FPGT: variants seen among roughly 807,000 people sequenced by gnomAD.
FPGT encodes the protein GDP-L-fucose diphosphorylase.
Under a neutral mutation model 45.8 loss-of-function variants are expected in FPGT, and 41 were observed. The ratio of observed to expected loss-of-function variants is 0.90; its 90% CI spans 0.70 to 1.16. FPGT has a LOEUF of 1.16. Ranked by LOEUF, FPGT falls within the 50% of genes most tolerant of loss-of-function variation. The pLI, the probability that FPGT is intolerant of heterozygous loss-of-function variation, is 0.00. For synonymous variants in FPGT, 292 were observed against 247.2 expected (o/e 1.18, Z -1.70); for missense variants, 755 against 689.1 (o/e 1.10, Z -1.07).
rs1651612068 is a variant in FPGT, at chr1:74,199,822, G to T, written c.241G>T (p.Ala81Ser). The T allele has an allele frequency of 6.2e-7, 1 of 1,613,304 alleles. No individual in the cohort carries two copies. Among genetic ancestry groups the T allele is most frequent in the Non-Finnish European group, 8.5e-7 (1 of 1,179,858 alleles). Reference sequence around the variant, plus strand: ...TCACGTTTTTGTGGATCCTGCTGGAGCCAAAATTGGTACGCGCTTTATGGT... The same window carrying T: ...TCACGTTTTTGTGGATCCTGCTGGATCCAAAATTGGTACGCGCTTTATGGT... ...QYHVFVDPAG[A>S]KIGNGGSTLC... The change falls in exon 2 of 4, where the codon GCC (alanine) becomes TCC (serine). Residue 81 changes from alanine to serine, a missense_variant. By Grantham distance (99) the Ala-to-Ser change is moderately conservative. Coordinates refer to ENST00000370898, the MANE Select transcript of FPGT (RefSeq NM_003838.5).
In FPGT at chr1:74,205,959, T is replaced by A; in HGVS notation, c.*127T>A. On this transcript the variant is annotated 3_prime_UTR_variant, in exon 4 of 4. Coordinates refer to ENST00000370898, the MANE Select transcript of FPGT (RefSeq NM_003838.5). ...TAACATAATTGTTGTAGCATAATATTAATAGTGCAAAAGTACATATAAGTC... is the reference window on the plus strand; with the variant it reads ...TAACATAATTGTTGTAGCATAATATAAATAGTGCAAAAGTACATATAAGTC... 1.7e-6 allele frequency: 1 copy of A among 580,052 alleles called. No individual in the cohort carries two copies. The highest frequency in any genetic ancestry group is 3.0e-6 in the Non-Finnish European group (1 of 332,258). 35.9% of individuals were successfully genotyped at this position (580,052 alleles called of 1,614,324 possible).
Position 74,199,832 on chromosome 1 carries a change from G to C in FPGT, c.250+1G>C, listed in dbSNP as rs138015421. ...GTGGATCCTGCTGGAGCCAAAATTG[G>C]TACGCGCTTTATGGTCAGTTTTATA... On this transcript the variant is annotated splice_donor_variant, in intron 2 of 3. Transcript: ENST00000370898. LOFTEE classifies it high-confidence loss of function. The C allele has an allele frequency of 5.4e-5, 87 of 1,612,942 alleles. No homozygotes were observed. Among genetic ancestry groups the C allele is most frequent in the Non-Finnish European group, 7.0e-5 (83 of 1,179,740 alleles).
In FPGT at chr1:74,204,913, A is replaced by G; in HGVS notation, c.866A>G (p.Glu289Gly). 1 of 1,613,846 alleles carries G rather than the reference A, an allele frequency of 6.2e-7. No homozygotes were observed. The highest frequency in any genetic ancestry group is 8.5e-7 in the Non-Finnish European group (1 of 1,179,878). Residue 289 changes from glutamate (E) to glycine (G), a missense_variant, in exon 4 of 4, where the codon GAA becomes GGA. Glu to Gly is a moderately conservative substitution (Grantham distance 98). Coordinates refer to ENST00000370898, the MANE Select transcript of FPGT (RefSeq NM_003838.5). ...KSAKMLLAFY[E>G]KIGTLSCEID... is the part of the protein sequence containing the mutation. ...GCAAAAATGTTACTTGCTTTTTATG[A>G]AAAAATAGGCACACTGAGCTGTGAA...
intron 1 of FPGT, 175 bp downstream of exon 1, chr1:74,198,535 C>T (rs984659437): frequency 2.5e-6 from 2 of 804,146 alleles, no homozygotes; most frequent in East Asian, 2.7e-5. Context: ...TTCACTGTCC[C>T]TGCTTGACAT....
rs758942818 is a variant in FPGT at position 74,204,853 on chromosome 1, A to G, written c.806A>G (p.Tyr269Cys). The G allele has an allele frequency of 1.9e-5, 30 of 1,613,614 alleles. No individual in the cohort carries two copies. The highest frequency in any genetic ancestry group is 2.5e-5 in the Non-Finnish European group (30 of 1,180,022). ...CTTAAATTAGACTCTGACTATGTCT[A>G]CACAGATAGCCTATTTTATATGGAT... is the stretch of plus-strand genomic sequence containing the variant. ...ADLKLDSDYV[Y>C]TDSLFYMDHK... Residue 269 changes from tyrosine (Y) to cysteine (C), a missense_variant, in exon 4 of 4, where the codon TAC (tyrosine) becomes TGC (cysteine). Tyr to Cys is a radical substitution (Grantham distance 194). Coordinates refer to ENST00000370898, the MANE Select transcript of FPGT (RefSeq NM_003838.5).
Position 74,204,943 on chromosome 1 carries a change from A to T in FPGT, c.896A>T (p.Asp299Val), listed in dbSNP as rs1172151810. Residue 299 changes from aspartate to valine, a missense_variant, in exon 4 of 4, where the codon GAT becomes GTT. By Grantham distance (152) the Asp-to-Val change is radical. Coordinates refer to ENST00000370898, the MANE Select transcript of FPGT (RefSeq NM_003838.5). ...EKIGTLSCEI[D>V]AYGDFLQALG... ...ATAGGCACACTGAGCTGTGAAATAGATGCCTATGGTGACTTTCTGCAGGCT... is the reference window on the plus strand; with the variant it reads ...ATAGGCACACTGAGCTGTGAAATAGTTGCCTATGGTGACTTTCTGCAGGCT... 2 of 1,614,052 alleles carry T rather than the reference A, an allele frequency of 1.2e-6. No homozygotes were observed. The highest frequency in any genetic ancestry group is 1.7e-6 in the Non-Finnish European group (2 of 1,179,974).
Position 74,205,000 on chromosome 1 carries a change from G to A in FPGT, c.953G>A (p.Arg318Lys), listed in dbSNP as rs757552483. ...LGPGATVEYT[R>K]NTSNVIKEES... is the part of the protein sequence containing the mutation. ...CCTGGAGCAACTGTGGAGTACACCA[G>A]AAACACATCAAATGTCATTAAAGAA... Residue 318 changes from arginine to lysine, a missense_variant, in exon 4 of 4, where the codon AGA becomes AAA. By Grantham distance (26) the Arg-to-Lys change is conservative (BLOSUM62 2). Transcript: ENST00000370898. The A allele has an allele frequency of 2.5e-6, 4 of 1,613,892 alleles. No individual in the cohort carries two copies. The African/African-American group carries it at 5.3e-5, about 22-fold the overall frequency.
In FPGT at chr1:74,202,611, G is replaced by A. The variant is rs568926592; in HGVS notation, c.343+1201G>A. 2.6e-5 allele frequency among the ~76,000 whole-genome samples: 4 copies of A among 152,004 alleles called. No individual in the cohort carries two copies. In the South Asian group the frequency reaches 8.3e-4, roughly 32 times the overall value. On this transcript the variant is annotated intron_variant, in intron 3 of 3. Transcript: ENST00000370898. ...AACAGAAACTTATTAGCTCTCTTTT[G>A]TTGAACAATGTACTGTGTGCTGCCA...
At chr1:74,199,603 CCTGTGG>C in intron 1 of FPGT, 55 bp from the exon 2 acceptor site, 2 of 1,560,106 alleles carry the variant, frequency 1.3e-6, no homozygotes, top group Non-Finnish European at 1.7e-6. Flanking sequence ...AATAGGCAAA[CCTGTGG>C]CAACTAGAAA....
rs780800704 is a variant in FPGT at position 74,205,177 on chromosome 1, C to T, written c.1130C>T (p.Ser377Leu). ...TTTACCTCAGATAACAGTTTAAAGT[C>T]AGAGCTCGGCTTACAGTCCATAACT... Reference protein sequence around the residue: ...FYFTSDNSLKSELGLQSITFS... With the variant: ...FYFTSDNSLKLELGLQSITFS... The change falls in exon 4 of 4, where the codon TCA becomes TTA. Residue 377 changes from serine to leucine, a missense_variant. Transcript: ENST00000370898. 2 of 1,613,768 alleles carry T rather than the reference C, an allele frequency of 1.2e-6. No individual in the cohort carries two copies. The highest frequency in any genetic ancestry group is 2.2e-5 in the South Asian group (2 of 91,044).
intron 2 of FPGT, 53 bp downstream of exon 2, chr1:74,199,884 T>G: frequency 6.4e-7 from 1 of 1,567,984 alleles, no homozygotes; most frequent in Non-Finnish European, 8.6e-7. Context: ...GAATAATCAT[T>G]GAAGAAAAGG....
chr1:74,201,847 C>T (rs1477779797), intron 3 of FPGT, among the ~76,000 whole-genome samples: 2 of 152,154 alleles, frequency 1.3e-5, no homozygotes, highest in Non-Finnish European at 2.9e-5. Flanking sequence ...CCTGTCAACC[C>T]ATCACCTAGG....
rs139749795 is a variant in FPGT, at chr1:74,204,593, G to A, written c.546G>A (p.Arg182=). ...LYSIGEFEFI[R]FDKPGFTALA... is the part of the protein sequence containing the mutation. Reference sequence around the variant, plus strand: ...GTATTGGAGAATTTGAGTTTATTAGGTTTGACAAACCTGGCTTTACTGCTT... The same window carrying A: ...GTATTGGAGAATTTGAGTTTATTAGATTTGACAAACCTGGCTTTACTGCTT... Residue 182 remains arginine, a synonymous_variant, in exon 4 of 4, where the codon AGG becomes AGA. Transcript: ENST00000370898. 795 of 1,613,434 alleles carry A rather than the reference G, an allele frequency of 4.9e-4. 2 individuals are homozygous for A. The African/African-American group carries it at 9.2e-3, about 19-fold the overall frequency.
chr1:74,200,200 C>T (rs1303877152), intron 2 of FPGT, among the ~76,000 whole-genome samples: 1 of 152,196 alleles, frequency 6.6e-6, no homozygotes, highest in Non-Finnish European at 1.5e-5. Context: ...GGAAAAAATA[C>T]TCTTGACCTC....
chr1:74,204,356 C>T, intron 3 of FPGT, 35 bp from the exon 4 acceptor site: 1 of 1,460,302 alleles, frequency 6.8e-7, no homozygotes, highest in African/African-American at 1.4e-5. Flanking sequence ...AATAATACTG[C>T]ATTTTTAAAT....
chr1:74,201,485 C>G, intron 3 of FPGT, 75 bp downstream of exon 3: 1 of 829,710 alleles, frequency 1.2e-6, no homozygotes, highest in Non-Finnish European at 1.8e-6. Context: ...TTTTTTCTTT[C>G]TTGCAAACAC....
chr1:74,199,932 C>A, intron 2 of FPGT, 101 bp downstream of exon 2: 1 of 1,263,784 alleles, frequency 7.9e-7, no homozygotes, highest in Non-Finnish European at 1.1e-6. Context: ...CATATCTCTA[C>A]CCACAGCTTT....
chr1:74,198,318 G>A lies in FPGT; in HGVS notation c.40G>A (p.Glu14Lys). 6.2e-7 allele frequency: 1 copy of A among 1,614,176 alleles called. No homozygotes were observed. Among genetic ancestry groups the A allele is most frequent in the Non-Finnish European group, 8.5e-7 (1 of 1,180,036 alleles). Reference sequence around the variant, plus strand: ...GGACCCTCCGGAAGTATCGCTGCGAGAAGCCACCCAGCGAAAATTGCGGAG... The same window carrying A: ...GGACCCTCCGGAAGTATCGCTGCGAAAAGCCACCCAGCGAAAATTGCGGAG... ...ARDPPEVSLR[E>K]ATQRKLRRFS... The change falls in exon 1 of 4, where the codon GAA (glutamate) becomes AAA (lysine). Residue 14 changes from glutamate to lysine, a missense_variant. Glu to Lys is a moderately conservative substitution (Grantham distance 56). Coordinates refer to ENST00000370898, the MANE Select transcript of FPGT (RefSeq NM_003838.5).
intron 1 of FPGT, among the ~76,000 whole-genome samples, chr1:74,199,263 CG>C (rs1651535901): frequency 6.6e-6 from 1 of 152,068 alleles, no homozygotes; most frequent in African/African-American, 2.4e-5. Flanking sequence ...ACCAAGTGTC[CG>C]TGATACATAA....
Sources: allele counts gnomAD v4.1 joint callset (sites outside exome capture counted in the v4.1 genomes callset), GRCh38; gene constraint gnomAD v4.1.1; transcripts MANE v1.5; gene names NCBI Gene and HGNC (gene_info 2026-07-23, HGNC 2026-07-21).